Variants in CAPS2 observed in about 807,000 individuals in gnomAD.
CAPS2 encodes calcyphosine 2, also known as calcyphosin-2.
In CAPS2, 98 loss-of-function variants were observed where a neutral mutation model predicts 86.5. The ratio of observed to expected loss-of-function variants is 1.13; its 90% CI spans 0.96 to 1.34. The LOEUF (loss-of-function observed/expected upper bound fraction) is 1.34. Among genes scored for constraint, CAPS2 ranks in the 40% most tolerant of loss-of-function variants. The pLI is 0.00. For missense variants in CAPS2, 729 were observed against 686.8 expected (o/e 1.06, Z -0.69); for synonymous variants, 210 against 225.1 (o/e 0.93, Z 0.60).
intron 1 of CAPS2, among the ~76,000 whole-genome samples, chr12:75,349,098 A>G (rs2042640776): frequency 6.6e-6 from 1 of 152,186 alleles, no homozygotes; most frequent in Admixed American, 6.5e-5. Context: ...GAAATCTGCA[A>G]ATAATATTCC....
chr12:75,310,173 T>A (rs903741187), intron 7 of CAPS2, among the ~76,000 whole-genome samples: 12 of 152,036 alleles, frequency 7.9e-5, no homozygotes, highest in African/African-American at 2.9e-4. Context: ...TGAAAGATAA[T>A]TAACATGATA....
At chr12:75,282,633 C>T (rs894312865) in intron 15 of CAPS2, among the ~76,000 whole-genome samples, 2 of 152,164 alleles carry the variant, frequency 1.3e-5, no homozygotes, top group Non-Finnish European at 2.9e-5. Flanking sequence ...GTGACCCACC[C>T]GCCTCGGCCT....
chr12:75,356,808 G>A (rs767810772), intron 1 of CAPS2, among the ~76,000 whole-genome samples: 5 of 152,064 alleles, frequency 3.3e-5, no homozygotes, highest in Non-Finnish European at 7.4e-5. Flanking sequence ...AAAACTTTAG[G>A]ATTCTTTTTT....
intron 1 of CAPS2, among the ~76,000 whole-genome samples, chr12:75,379,068 TC>T (rs1460413853): frequency 6.6e-6 from 1 of 152,134 alleles, no homozygotes; most frequent in Non-Finnish European, 1.5e-5. Flanking sequence ...TTAAACATTT[TC>T]ATTAATAATT....
At chr12:75,350,327 TG>T (rs1010674399) in intron 1 of CAPS2, among the ~76,000 whole-genome samples, 1 of 152,212 alleles carries the variant, frequency 6.6e-6, no homozygotes, top group African/African-American at 2.4e-5. Flanking sequence ...CTGAGGAGTC[TG>T]GGTAGTCTGG....
chr12:75,371,643 T>C (rs1382193848), intron 1 of CAPS2, among the ~76,000 whole-genome samples: 1 of 152,208 alleles, frequency 6.6e-6, no homozygotes, highest in Non-Finnish European at 1.5e-5. Flanking sequence ...CCGGAAGTGC[T>C]CTAATCATTA....
At chr12:75,368,027 G>A (rs1451619813) in intron 1 of CAPS2, among the ~76,000 whole-genome samples, 1 of 151,910 alleles carries the variant, frequency 6.6e-6, no homozygotes, top group Non-Finnish European at 1.5e-5. Flanking sequence ...ATTTTTTCCT[G>A]CATCTCTTGA....
At chr12:75,290,408 AC>A (rs1442831842) in intron 13 of CAPS2, among the ~76,000 whole-genome samples, 1 of 152,186 alleles carries the variant, frequency 6.6e-6, no homozygotes, top group Admixed American at 6.5e-5. Flanking sequence ...TGGTAACTTT[AC>A]TAAAGCAGTT....
chr12:75,382,797 T>C (rs1173909324), intron 1 of CAPS2, among the ~76,000 whole-genome samples: 7 of 152,208 alleles, frequency 4.6e-5, no homozygotes, highest in Admixed American at 4.6e-4. Flanking sequence ...TAAAGCTATA[T>C]CTGTTATACA....
chr12:75,344,374 G>A (rs1048973449), intron 1 of CAPS2, among the ~76,000 whole-genome samples: 13 of 151,818 alleles, frequency 8.6e-5, no homozygotes, highest in African/African-American at 2.9e-4. Flanking sequence ...ACATCTTTAA[G>A]TTTGCTAATC....
chr12:75,326,810 T>C (rs1354207780), upstream of CAPS2, among the ~76,000 whole-genome samples: 1 of 152,136 alleles, frequency 6.6e-6, no homozygotes. Flanking sequence ...AATTTTAAGA[T>C]GGGGAGATTA....
At chr12:75,285,659 AT>A (rs1309475924) in intron 14 of CAPS2, among the ~76,000 whole-genome samples, 1 of 151,746 alleles carries the variant, frequency 6.6e-6, no homozygotes, top group African/African-American at 2.4e-5. Flanking sequence ...TTCAACTTTA[AT>A]TTATTTCTAT....
At chr12:75,315,320 C>T (rs1461404457) in intron 6 of CAPS2, among the ~76,000 whole-genome samples, 2 of 152,120 alleles carry the variant, frequency 1.3e-5, no homozygotes, top group Non-Finnish European at 2.9e-5. Flanking sequence ...AATTGAAACA[C>T]TATTTTCCTT....
At chr12:75,276,521 T>C, downstream of CAPS2, 3 of 974,216 alleles carry the variant, frequency 3.1e-6, no homozygotes, top group Non-Finnish European at 3.7e-6. Context: ...ATTTATATAC[T>C]ATAAAATTTA....
At chr12:75,321,624 A>G in intron 4 of CAPS2, 48 bp from the exon 5 acceptor site, 1 of 1,351,078 alleles carries the variant, frequency 7.4e-7, no homozygotes, top group Non-Finnish European at 1.0e-6. Context: ...AAAAGTATTA[A>G]TTTTCCTTAT....
intron 7 of CAPS2, among the ~76,000 whole-genome samples, chr12:75,305,126 A>G (rs2038298609): frequency 6.6e-6 from 1 of 152,162 alleles, no homozygotes; most frequent in Non-Finnish European, 1.5e-5. Flanking sequence ...CCATGTTTTT[A>G]TTTTACTATT....
intron 11 of CAPS2, 68 bp from the exon 12 acceptor site, chr12:75,293,435 T>G (rs569223766): frequency 1.5e-5 from 14 of 953,368 alleles, no homozygotes; most frequent in Non-Finnish European, 2.3e-5. Flanking sequence ...AACATCAATT[T>G]TAAATAATGG....
At chr12:75,371,303 G>A (rs1392092328) in intron 1 of CAPS2, 1 of 161,986 alleles carries the variant, frequency 6.2e-6, no homozygotes, top group African/African-American at 2.4e-5. Context: ...CAGCACACGA[G>A]AAAGATGAAG....
chr12:75,358,964 C>T (rs1437938629), intron 1 of CAPS2, among the ~76,000 whole-genome samples: 2 of 147,020 alleles, frequency 1.4e-5, no homozygotes, highest in Non-Finnish European at 3.0e-5. Context: ...TTAAAGACTG[C>T]ATAAAAAAGA....
Sources: allele counts gnomAD v4.1 joint callset (sites outside exome capture counted in the v4.1 genomes callset), GRCh38; gene constraint gnomAD v4.1.1; transcripts MANE v1.5; gene names NCBI Gene and HGNC (gene_info 2026-07-23, HGNC 2026-07-21).